FGFR2: variants seen among roughly 807,000 people sequenced by gnomAD.
The protein encoded by FGFR2 is fibroblast growth factor receptor 2.
In FGFR2, 19 loss-of-function variants were observed where a neutral mutation model predicts 95.9. The ratio of observed to expected loss-of-function variants is 0.20; its 90% CI spans 0.14 to 0.29. The LOEUF (loss-of-function observed/expected upper bound fraction) is 0.29, where lower values mean the gene tolerates loss of function less well. FGFR2 is among the 10% of genes least tolerant of loss of function. The pLI is 1.00. For missense variants in FGFR2, 707 were observed against 1,056.9 expected, an observed-to-expected ratio of 0.67 and a Z score of 4.59; for synonymous variants, 392 against 393.3, an observed-to-expected ratio of 1.00 and a Z score of 0.04.
intron 17 of FGFR2, chr10:121,482,138 A>G (rs1407702687): frequency 6.2e-7 from 1 of 1,610,818 alleles, no homozygotes; most frequent in Non-Finnish European, 8.5e-7. Flanking sequence ...CGCCTGACCA[A>G]CTTTTCCCAG....
At chr10:121,576,263 T>C (rs1859739488) in intron 2 of FGFR2, among the ~76,000 whole-genome samples, 1 of 152,356 alleles carries the variant, frequency 6.6e-6, no homozygotes, top group South Asian at 2.1e-4. Flanking sequence ...TTAGATCATG[T>C]AGCGCCCAGG....
chr10:121,572,961 TG>T (rs1185079675), intron 2 of FGFR2, among the ~76,000 whole-genome samples: 7 of 152,264 alleles, frequency 4.6e-5, no homozygotes, highest in Non-Finnish European at 1.0e-4. Context: ...CAAAAAAGGC[TG>T]TGACTTATGT....
At chr10:121,532,189 C>G (rs1166134940) in intron 6 of FGFR2, among the ~76,000 whole-genome samples, 1 of 152,196 alleles carries the variant, frequency 6.6e-6, no homozygotes, top group Non-Finnish European at 1.5e-5. Context: ...GCCTCTAAGT[C>G]AAGAGGCTTC....
chr10:121,529,696 AAG>A (rs1360858065), intron 6 of FGFR2, among the ~76,000 whole-genome samples: 4 of 152,300 alleles, frequency 2.6e-5, no homozygotes, highest in South Asian at 2.1e-4. Flanking sequence ...GGCTTTGAGA[AAG>A]AGAGAAAAAG....
intron 2 of FGFR2, among the ~76,000 whole-genome samples, chr10:121,568,850 A>G (rs1368290547): frequency 6.6e-6 from 1 of 152,160 alleles, no homozygotes; most frequent in East Asian, 1.9e-4. Context: ...AAGGAAGTAC[A>G]GGGGACAGCG....
chr10:121,507,856 T>A (rs1848527522), intron 9 of FGFR2, among the ~76,000 whole-genome samples: 1 of 152,140 alleles, frequency 6.6e-6, no homozygotes, highest in Admixed American at 6.5e-5. Context: ...ATACAGTCAG[T>A]CCTCCATATC....
intron 11 of FGFR2, among the ~76,000 whole-genome samples, chr10:121,499,539 G>A (rs182954423): frequency 2.6e-4 from 40 of 152,352 alleles, no homozygotes; most frequent in African/African-American, 8.7e-4. Flanking sequence ...ATGGCTTGGG[G>A]ACTAATATCC....
intron 9 of FGFR2, among the ~76,000 whole-genome samples, chr10:121,513,471 A>C (rs1849314573): frequency 6.6e-6 from 1 of 152,226 alleles, no homozygotes; most frequent in African/African-American, 2.4e-5. Context: ...AAGCATTTTA[A>C]CAGTTGCAGA....
intron 6 of FGFR2, among the ~76,000 whole-genome samples, chr10:121,536,226 A>G (rs1173905112): frequency 6.6e-6 from 1 of 152,208 alleles, no homozygotes; most frequent in African/African-American, 2.4e-5. Context: ...TTCTTATTTT[A>G]TTAGTGCTTC....
At chr10:121,526,185 C>T (rs188124111) in intron 6 of FGFR2, 3 of 398,574 alleles carry the variant, frequency 7.5e-6, no homozygotes, top group African/African-American at 4.1e-5. Context: ...CTCTTAGCAA[C>T]GCCAAAGAGC....
At chr10:121,570,970 C>T (rs1221957769) in intron 2 of FGFR2, among the ~76,000 whole-genome samples, 1 of 152,018 alleles carries the variant, frequency 6.6e-6, no homozygotes, top group Non-Finnish European at 1.5e-5. Context: ...GTACCAGCAG[C>T]GTGTTAGCAA....
intron 9 of FGFR2, among the ~76,000 whole-genome samples, chr10:121,506,209 T>A (rs1278941709): frequency 6.6e-6 from 1 of 151,674 alleles, no homozygotes; most frequent in South Asian, 2.1e-4. Context: ...ATAAAAAAAA[T>A]GAGTCGGTTG....
At chr10:121,491,798 A>G (rs1846165495) in intron 13 of FGFR2, among the ~76,000 whole-genome samples, 2 of 149,976 alleles carry the variant, frequency 1.3e-5, no homozygotes. Context: ...AGAACCTGGG[A>G]GGCAGAGGCT....
chr10:121,515,208 C>T lies in FGFR2; in HGVS notation c.1196G>A (p.Arg399Gln), dbSNP rs1219597593. ...ACMVVTVILC[R>Q]MKNTTKKPDF... ...TGGCTTCTTGGTCGTGTTCTTCATT[C>T]GGCACAGGATGACTGTTACCACCAT... The change falls in exon 9 of 18, where the codon CGA becomes CAA. Residue 399 changes from arginine to glutamine, a missense_variant. Around this residue, in one of 7 missense-constraint regions of FGFR2, gnomAD observed 194 missense variants for 267.3 expected, o/e 0.73. Coordinates refer to ENST00000358487, the MANE Select transcript of FGFR2 (RefSeq NM_000141.5). The T allele has an allele frequency of 4.3e-6, 7 of 1,614,034 alleles. No homozygotes were observed. Among genetic ancestry groups the T allele is most frequent in the African/African-American group, 4.0e-5 (3 of 74,904 alleles).
At chr10:121,493,250 G>A (rs1050463174) in intron 13 of FGFR2, among the ~76,000 whole-genome samples, 6 of 152,136 alleles carry the variant, frequency 3.9e-5, no homozygotes, top group South Asian at 2.1e-4. Context: ...TAATAATAAC[G>A]ATAGTTACTA....
intron 9 of FGFR2, among the ~76,000 whole-genome samples, chr10:121,509,884 G>T (rs578225205): frequency 1.3e-5 from 2 of 151,952 alleles, no homozygotes; most frequent in African/African-American, 2.4e-5. Context: ...GAGAAGAGAC[G>T]AATTAATATT....
At chr10:121,508,101 G>T (rs531226001) in intron 9 of FGFR2, among the ~76,000 whole-genome samples, 2 of 152,168 alleles carry the variant, frequency 1.3e-5, no homozygotes, top group Non-Finnish European at 2.9e-5. Context: ...TTAAATAAAG[G>T]TCTTGGGCAT....
chr10:121,589,401 A>C (rs1590113285), intron 2 of FGFR2, among the ~76,000 whole-genome samples: 1 of 152,256 alleles, frequency 6.6e-6, no homozygotes, highest in African/African-American at 2.4e-5. Context: ...TTATTTGTTA[A>C]GTCTGATATT....
At chr10:121,498,469 C>T (rs767094576) in intron 12 of FGFR2, 26 bp downstream of exon 12, 9 of 1,400,326 alleles carry the variant, frequency 6.4e-6, no homozygotes, top group South Asian at 2.3e-5. Context: ...AGTATTTGGG[C>T]GAATGCAGTT....
Sources: allele counts gnomAD v4.1 joint callset (sites outside exome capture counted in the v4.1 genomes callset), GRCh38; gene constraint gnomAD v4.1.1; regional missense constraint gnomAD v4.1.1; transcripts MANE v1.5; gene names NCBI Gene and HGNC (gene_info 2026-07-23, HGNC 2026-07-21).